Variants in C16orf74 observed in about 807,000 individuals in gnomAD.
C16orf74 encodes uncharacterized protein C16orf74.
C16orf74 carries 10 observed loss-of-function variants against 6.5 expected under a neutral mutation model. That is an observed-to-expected ratio of 1.54 (90% CI 0.95 to 2.61). C16orf74 has a LOEUF of 2.61. C16orf74 is among the 30% of genes most tolerant of loss of function. The pLI is 0.00. For synonymous variants in C16orf74, 60 were observed against 42.5 expected, an observed-to-expected ratio of 1.41 and a Z score of -1.60; for missense variants, 141 against 105.9, an observed-to-expected ratio of 1.33 and a Z score of -1.45.
At chr16:85,744,841 A>AAC (rs1555589097) in intron 1 of C16orf74, among the ~76,000 whole-genome samples, 1 of 129,058 alleles carries the variant, frequency 7.7e-6, no homozygotes, top group African/African-American at 2.8e-5. Context: ...AAAAAAAAAA[A>AAC]AAAAAAAAAC....
At chr16:85,747,141 C>T (rs372939730) in intron 1 of C16orf74, among the ~76,000 whole-genome samples, 7 of 152,136 alleles carry the variant, frequency 4.6e-5, no homozygotes, top group East Asian at 1.9e-4. Flanking sequence ...TGCCCATTGC[C>T]GACTCTGGGC....
chr16:85,725,978 G>T (rs964471978), intron 2 of C16orf74, among the ~76,000 whole-genome samples: 2 of 151,926 alleles, frequency 1.3e-5, no homozygotes, highest in African/African-American at 2.4e-5. Context: ...AGCTCAGCCC[G>T]GCCTCCATAC....
rs773774568 is a variant in C16orf74 at position 85,735,178 on chromosome 16, T to C, written c.28+12A>G. 9 of 1,603,652 alleles carry C rather than the reference T, an allele frequency of 5.6e-6. No individual in the cohort carries two copies. Among genetic ancestry groups the C allele is most frequent in the Non-Finnish European group, 6.8e-6 (8 of 1,174,898 alleles). Reference sequence around the variant, plus strand: ...CCATGAGAGCTGGTGGGGGCAGAGCTTCAGGCCTTACCTTTCAGGCAGGAC... The same window carrying C: ...CCATGAGAGCTGGTGGGGGCAGAGCCTCAGGCCTTACCTTTCAGGCAGGAC... On this transcript the variant is annotated intron_variant, in intron 2 of 3. Transcript: ENST00000284245.
At position 85,708,018 on chromosome 16, in the gene C16orf74, G is replaced by C; in HGVS notation, c.221C>G (p.Pro74Arg). The stretch of plus-strand genomic sequence containing the variant: ...ACCCAGGACACCTCCTCAGGCTTCT[G>C]GGTCGATTTCTCCATCATCTGGGCA... The part of the protein sequence containing the change: ...GSCPDDGEID[P>R]EA Residue 74 changes from proline to arginine, a missense_variant, in exon 4 of 4, where the codon CCA becomes CGA. Coordinates refer to ENST00000284245, the MANE Select transcript of C16orf74 (RefSeq NM_206967.3). The C allele has an allele frequency of 6.4e-7, 1 of 1,552,916 alleles. No homozygotes were observed. Among genetic ancestry groups the C allele is most frequent in the African/African-American group, 1.4e-5 (1 of 73,254 alleles).
chr16:85,735,201 G>T lies in C16orf74; in HGVS notation c.17C>A (p.Ser6Tyr). The change falls in exon 2 of 4, where the codon TCC (serine) becomes TAC (tyrosine). Residue 6 changes from serine (S) to tyrosine (Y), a missense_variant. Coordinates refer to ENST00000284245, the MANE Select transcript of C16orf74 (RefSeq NM_206967.3). MGLKM[S>Y]CLKGFQMCVS... ...GCTTCAGGCCTTACCTTTCAGGCAG[G>T]ACATCTTAAGCCCCATGTCGGCACC... 1.2e-6 allele frequency: 2 copies of T among 1,603,302 alleles called. No homozygotes were observed. Among genetic ancestry groups the T allele is most frequent in the Non-Finnish European group, 1.7e-6 (2 of 1,174,618 alleles).
intron 2 of C16orf74, among the ~76,000 whole-genome samples, chr16:85,728,548 A>G (rs531643952): frequency 5.9e-4 from 89 of 152,132 alleles, no homozygotes; most frequent in Admixed American, 1.2e-3. Flanking sequence ...AACCTCACAG[A>G]TCACAGGGGT....
intron 2 of C16orf74, among the ~76,000 whole-genome samples, chr16:85,721,865 C>T (rs1475840699): frequency 1.4e-4 from 22 of 151,978 alleles, no homozygotes. Flanking sequence ...CCTTGACCTG[C>T]TGTGTGGTCT....
At chr16:85,749,887 TTAAG>T (rs1379342985) in intron 1 of C16orf74, among the ~76,000 whole-genome samples, 1 of 152,044 alleles carries the variant, frequency 6.6e-6, no homozygotes, top group East Asian at 1.9e-4. Context: ...TGGTGAGGGA[TTAAG>T]TGTTTCCATA....
intron 1 of C16orf74, among the ~76,000 whole-genome samples, chr16:85,735,689 T>A (rs1480798803): frequency 2.6e-5 from 4 of 151,656 alleles, no homozygotes; most frequent in Non-Finnish European, 4.4e-5. Flanking sequence ...TAATGCTTTT[T>A]TTTTTTCCCC....
chr16:85,730,639 G>T (rs73255181), intron 2 of C16orf74, among the ~76,000 whole-genome samples: 55 of 116,552 alleles, frequency 4.7e-4, no homozygotes, highest in African/African-American at 1.8e-3. Context: ...AGTAACCCCA[G>T]TCCAGCCAAC....
intron 2 of C16orf74, among the ~76,000 whole-genome samples, chr16:85,712,999 C>T (rs1314364199): frequency 6.6e-6 from 1 of 152,168 alleles, no homozygotes; most frequent in Non-Finnish European, 1.5e-5. Context: ...CCAGTGCCTT[C>T]GTCTCCTGGG....
At chr16:85,718,050 C>T (rs547963872) in intron 2 of C16orf74, among the ~76,000 whole-genome samples, 63 of 152,342 alleles carry the variant, frequency 4.1e-4, no homozygotes, top group African/African-American at 1.5e-3. Context: ...GTGGGCATCA[C>T]GGCTCACGTG....
At chr16:85,750,284 C>G (rs2054422352) in intron 1 of C16orf74, among the ~76,000 whole-genome samples, 1 of 152,220 alleles carries the variant, frequency 6.6e-6, no homozygotes, top group Non-Finnish European at 1.5e-5. Context: ...TGAGAGAAGT[C>G]CCAGCCGCCC....
At chr16:85,712,466 T>C (rs897817728) in intron 2 of C16orf74, among the ~76,000 whole-genome samples, 1 of 152,138 alleles carries the variant, frequency 6.6e-6, no homozygotes, top group African/African-American at 2.4e-5. Flanking sequence ...TGTGGGGAAA[T>C]CACAGGAGGC....
intron 2 of C16orf74, among the ~76,000 whole-genome samples, chr16:85,726,808 T>A (rs548012580): frequency 6.6e-6 from 1 of 152,270 alleles, no homozygotes; most frequent in East Asian, 1.9e-4. Flanking sequence ...GCTACCATCC[T>A]CTCCGGCGTT....
At chr16:85,713,743 T>C (rs2053992189) in intron 2 of C16orf74, among the ~76,000 whole-genome samples, 1 of 139,546 alleles carries the variant, frequency 7.2e-6, no homozygotes, top group South Asian at 2.5e-4. Context: ...AAGACACGGT[T>C]CAATCCTTAA....
intron 2 of C16orf74, among the ~76,000 whole-genome samples, chr16:85,730,545 C>G (rs8044844): frequency 0.4 from 50,267 of 126,724 alleles, 11,015 homozygotes; most frequent in East Asian, 0.76. Context: ...AGACCAGCCA[C>G]TGAACCCCCA....
chr16:85,715,105 C>T (rs894905522), intron 2 of C16orf74, among the ~76,000 whole-genome samples: 14 of 150,328 alleles, frequency 9.3e-5, no homozygotes, highest in Non-Finnish European at 7.4e-5. Context: ...TGCAGTGAGC[C>T]GAGATCACGC....
At chr16:85,715,356 C>T (rs530970731) in intron 2 of C16orf74, among the ~76,000 whole-genome samples, 10 of 152,300 alleles carry the variant, frequency 6.6e-5, no homozygotes, top group African/African-American at 1.4e-4. Flanking sequence ...CCACCGTGCT[C>T]GGTGTCACCA....
Sources: gnomAD v4.1 joint callset for allele counts (sites outside exome capture counted in the v4.1 genomes callset) on GRCh38, gnomAD v4.1.1 for gene constraint, MANE v1.5 for transcripts, NCBI Gene and HGNC (gene_info 2026-07-23, HGNC 2026-07-21) for gene names.